Variants in MID1 observed in about 807,000 individuals in gnomAD.
MID1 encodes E3 ubiquitin-protein ligase Midline-1.
Under a neutral mutation model 40.4 loss-of-function variants are expected in MID1, and 7 were observed. The observed-to-expected ratio is 0.17, with a 90% CI of 0.10 to 0.33. The LOEUF (loss-of-function observed/expected upper bound fraction) is 0.33, where lower values mean the gene tolerates loss of function less well. Ranked by LOEUF, MID1 falls within the 10% of genes least tolerant of loss-of-function variation. MID1 has a pLI of 1.00. For missense variants in MID1, 367 were observed against 558.5 expected (o/e 0.66, Z 3.46); for synonymous variants, 229 against 221.2 (o/e 1.04, Z -0.31).
chrX:10,544,801 G>T (rs1466215083), intron 2 of MID1, among the ~76,000 whole-genome samples: 1 of 112,124 alleles, frequency 8.9e-6, no homozygotes, highest in Admixed American at 9.4e-5. Context: ...CGAAAGTTTT[G>T]ATTCAAATTT....
chrX:10,805,392 A>T (rs1050067906), intron 1 of MID1, among the ~76,000 whole-genome samples: 17 of 107,843 alleles, frequency 1.6e-4, no homozygotes, highest in African/African-American at 5.4e-4. Flanking sequence ...CCTATAAAGG[A>T]CATGAACTCA....
chrX:10,477,016 C>T, intron 5 of MID1, among the ~76,000 whole-genome samples: 1 of 112,393 alleles, frequency 8.9e-6, no homozygotes, highest in Non-Finnish European at 1.9e-5. Flanking sequence ...TGCTACACAC[C>T]AAAGAGCCCA....
chrX:10,794,601 A>G (rs1471175465), intron 1 of MID1, among the ~76,000 whole-genome samples: 1 of 112,139 alleles, frequency 8.9e-6, no homozygotes, highest in East Asian at 2.8e-4. Context: ...AGCAACCAAT[A>G]CTGCCCAGAG....
intron 3 of MID1, among the ~76,000 whole-genome samples, chrX:10,496,919 G>A (rs1023562749): frequency 9.8e-5 from 11 of 112,433 alleles, no homozygotes; most frequent in African/African-American, 3.2e-4. Flanking sequence ...TCCTACATCA[G>A]TTTAGCAGAC....
At chrX:10,782,420 A>G (rs934772345) in intron 1 of MID1, among the ~76,000 whole-genome samples, 1 of 111,148 alleles carries the variant, frequency 9.0e-6, no homozygotes, top group Admixed American at 9.6e-5. Flanking sequence ...TCTTCCTATG[A>G]TTTAGATTAC....
chrX:10,613,583 T>C (rs1177510607), intron 1 of MID1, among the ~76,000 whole-genome samples: 1 of 104,958 alleles, frequency 9.5e-6, no homozygotes, highest in Non-Finnish European at 1.9e-5. Flanking sequence ...CTTTGAGCTA[T>C]TGGAGGGCAT....
At chrX:10,591,876 C>T (rs1008735840) in intron 1 of MID1, among the ~76,000 whole-genome samples, 4 of 111,125 alleles carry the variant, frequency 3.6e-5, no homozygotes, top group African/African-American at 1.3e-4. Flanking sequence ...CCCTGTATCT[C>T]ACAAAACCCT....
At chrX:10,518,674 C>T (rs1031170590) in intron 3 of MID1, among the ~76,000 whole-genome samples, 4 of 111,803 alleles carry the variant, frequency 3.6e-5, no homozygotes, top group Non-Finnish European at 7.5e-5. Flanking sequence ...TAAAAACAAA[C>T]GTAAAAATAA....
intron 1 of MID1, among the ~76,000 whole-genome samples, chrX:10,653,074 C>T (rs1271563155): frequency 9.0e-6 from 1 of 111,581 alleles, no homozygotes; most frequent in African/African-American, 3.3e-5. Flanking sequence ...CTTTTGTGGC[C>T]TCAGCATCCA....
intron 3 of MID1, among the ~76,000 whole-genome samples, chrX:10,517,695 T>C (rs1442107738): frequency 1.8e-5 from 2 of 112,209 alleles, no homozygotes; most frequent in Admixed American, 1.9e-4. Context: ...ACTACTTGCT[T>C]TGTGTACATA....
intron 1 of MID1, among the ~76,000 whole-genome samples, chrX:10,727,320 T>C (rs1458867634): frequency 9.0e-6 from 1 of 111,561 alleles, no homozygotes; most frequent in African/African-American, 3.3e-5. Flanking sequence ...AGTTTCACCA[T>C]GTTGGCCAGG....
At chrX:10,481,599 C>T (rs1930330175) in intron 5 of MID1, among the ~76,000 whole-genome samples, 1 of 110,965 alleles carries the variant, frequency 9.0e-6, no homozygotes, top group Admixed American at 9.5e-5. Context: ...GCCACCACGC[C>T]TAGCTAATTT....
chrX:10,609,178 C>CACAT (rs999948531), intron 1 of MID1, among the ~76,000 whole-genome samples: 1 of 110,552 alleles, frequency 9.0e-6, no homozygotes, highest in African/African-American at 3.3e-5. Context: ...CACACACACA[C>CACAT]ATTTGTCTAA....
intron 1 of MID1, among the ~76,000 whole-genome samples, chrX:10,825,354 T>A (rs1452952153): frequency 1.8e-5 from 2 of 112,012 alleles, no homozygotes; most frequent in African/African-American, 6.5e-5. Context: ...CACTGCCTAA[T>A]GACTCCCCTT....
At chrX:10,464,992 T>A (rs1929256708) in intron 7 of MID1, among the ~76,000 whole-genome samples, 1 of 109,168 alleles carries the variant, frequency 9.2e-6, no homozygotes, top group South Asian at 4.0e-4. Context: ...GAGACCAGCC[T>A]GGCCAACATG....
intron 1 of MID1, among the ~76,000 whole-genome samples, chrX:10,739,936 G>T (rs779748791): frequency 8.9e-6 from 1 of 112,491 alleles, no homozygotes; most frequent in East Asian, 2.8e-4. Flanking sequence ...AGAATGGGCT[G>T]CATCTGTTTT....
chrX:10,572,510 C>T lies in MID1; in HGVS notation c.-56-4907G>A, dbSNP rs148243940. On this transcript the variant is annotated intron_variant, in intron 1 of 9. Coordinates refer to ENST00000317552, the MANE Select transcript of MID1 (RefSeq NM_000381.4). ...AGGTTGCAGTGAGCTGAAATCATGC[C>T]ACTGCACTCCAGCCTGGGCAACAGA... 4.4e-3 allele frequency among the ~76,000 whole-genome samples: 487 copies of T among 110,676 alleles called. 3 individuals are homozygous for T. The highest frequency in any genetic ancestry group is 0.015 in the African/African-American group (460 of 30,417).
intron 1 of MID1, among the ~76,000 whole-genome samples, chrX:10,755,798 A>G (rs2043629642): frequency 1.8e-5 from 2 of 112,172 alleles, no homozygotes; most frequent in South Asian, 7.4e-4. Flanking sequence ...GAACTGAGAA[A>G]GAGTTCCAGA....
intron 1 of MID1, among the ~76,000 whole-genome samples, chrX:10,719,569 C>G (rs1317852238): frequency 8.9e-6 from 1 of 112,021 alleles, no homozygotes; most frequent in Non-Finnish European, 1.9e-5. Context: ...AATGGAAGAA[C>G]ATTCCATGCT....
Sources: gnomAD v4.1 joint callset for allele counts (sites outside exome capture counted in the v4.1 genomes callset) on GRCh38, gnomAD v4.1.1 for gene constraint, MANE v1.5 for transcripts, NCBI Gene and HGNC (gene_info 2026-07-23, HGNC 2026-07-21) for gene names.